The following HPSE2 variants were observed in gnomAD, a reference collection of about 807,000 sequenced individuals.
The protein encoded by HPSE2 is inactive heparanase-2.
A neutral mutation model predicts 60.5 loss-of-function variants in HPSE2; 38 were observed. The observed-to-expected ratio is 0.63, with a 90% confidence interval of 0.48 to 0.82. HPSE2 has a LOEUF of 0.82. Ranked by LOEUF, HPSE2 falls within the 40% of genes least tolerant of loss-of-function variation. The probability of loss-of-function intolerance (pLI) is 0.00; values close to 1 mark genes in which losing one functional copy is unlikely to be tolerated. For synonymous variants in HPSE2, 295 were observed against 293.2 expected (o/e 1.01, Z -0.06); for missense variants, 713 against 740.4 (o/e 0.96, Z 0.43).
chr10:99,054,961 C>G (rs1332185772), intron 3 of HPSE2, among the ~76,000 whole-genome samples: 1 of 152,110 alleles, frequency 6.6e-6, no homozygotes, highest in Non-Finnish European at 1.5e-5. Context: ...ATCTGCCCGC[C>G]TCAGCCTCTC....
At chr10:99,117,718 TAATA>T (rs1227895463) in intron 3 of HPSE2, among the ~76,000 whole-genome samples, 6 of 151,976 alleles carry the variant, frequency 3.9e-5, no homozygotes, top group Non-Finnish European at 5.9e-5. Context: ...ATTGAAACAG[TAATA>T]AATAGCCTAA....
intron 3 of HPSE2, among the ~76,000 whole-genome samples, chr10:98,781,306 T>TTTTTTTTTTG (rs66481971): frequency 2.5e-5 from 3 of 120,102 alleles, no homozygotes; most frequent in Admixed American, 9.0e-5. Context: ...TTTTTTTTTT[T>TTTTTTTTTTG]ATTTTTAAAT....
chr10:99,298,931 C>T, the HPSE2 span, among the ~76,000 whole-genome samples: 15 of 152,124 alleles, frequency 9.9e-5, no homozygotes, highest in Non-Finnish European at 1.8e-4. Flanking sequence ...CCTCGGCCTC[C>T]CAAAGTGCTG....
intron 3 of HPSE2, among the ~76,000 whole-genome samples, chr10:99,017,123 C>T (rs1231595646): frequency 6.6e-6 from 1 of 152,098 alleles, no homozygotes; most frequent in Non-Finnish European, 1.5e-5. Context: ...AAGTGGAATG[C>T]TTCTAGATTT....
chr10:98,646,687 A>G (rs1384678186), intron 6 of HPSE2, among the ~76,000 whole-genome samples: 1 of 152,234 alleles, frequency 6.6e-6, no homozygotes, highest in Non-Finnish European at 1.5e-5. Flanking sequence ...CCACTTATCA[A>G]TGTATTCACC....
chr10:98,714,429 G>T (rs923555347), intron 5 of HPSE2, among the ~76,000 whole-genome samples: 2 of 151,752 alleles, frequency 1.3e-5, no homozygotes, highest in African/African-American at 4.8e-5. Flanking sequence ...ATTGATTTGT[G>T]ACATTTAATA....
intron 3 of HPSE2, among the ~76,000 whole-genome samples, chr10:98,882,891 G>A (rs938001064): frequency 2.0e-5 from 3 of 152,090 alleles, no homozygotes; most frequent in Admixed American, 2.0e-4. Flanking sequence ...AGATACAGAG[G>A]AGATAATAAC....
intron 5 of HPSE2, among the ~76,000 whole-genome samples, chr10:98,712,150 G>A (rs72840588): frequency 0.015 from 2,296 of 152,060 alleles, 32 homozygotes; most frequent in African/African-American, 0.03. Context: ...GTGTCAAATC[G>A]AAGTCTATGT....
At chr10:98,756,212 T>C (rs937564587) in intron 3 of HPSE2, among the ~76,000 whole-genome samples, 1 of 151,730 alleles carries the variant, frequency 6.6e-6, no homozygotes, top group Non-Finnish European at 1.5e-5. Context: ...AACACCCACA[T>C]GAAAAAGGTA....
At position 98,699,161 on chromosome 10, in the gene HPSE2, T is replaced by C. The variant is rs1048864324; in HGVS notation, c.957-5214A>G. Among the ~76,000 whole-genome samples the C allele has an allele frequency of 1.8e-3, 272 of 152,134 alleles. 3 individuals are homozygous for C. The highest frequency in any genetic ancestry group is 6.0e-3 in the African/African-American group (248 of 41,524). Reference sequence around the variant, plus strand: ...TTTTATGAGGCCAGCATCATCCTGATACCAAAGCCTGGCAGAGACACAACA... The same window carrying C: ...TTTTATGAGGCCAGCATCATCCTGACACCAAAGCCTGGCAGAGACACAACA... On this transcript the variant is annotated intron_variant, in intron 5 of 11. Coordinates refer to ENST00000370552, the MANE Select transcript of HPSE2 (RefSeq NM_021828.5).
upstream of HPSE2, among the ~76,000 whole-genome samples, chr10:99,236,178 G>A (rs562986815): frequency 6.5e-4 from 99 of 151,798 alleles, no homozygotes; most frequent in Middle Eastern, 3.4e-3. Context: ...TAAGGGGAGG[G>A]GAGCAGGCGG....
At chr10:99,276,166 C>T in the HPSE2 span, among the ~76,000 whole-genome samples, 1 of 152,128 alleles carries the variant, frequency 6.6e-6, no homozygotes, top group East Asian at 1.9e-4. Context: ...TGAATTATTA[C>T]ATATAAATAC....
At chr10:98,569,746 G>C (rs1477873652) in intron 9 of HPSE2, among the ~76,000 whole-genome samples, 1 of 152,028 alleles carries the variant, frequency 6.6e-6, no homozygotes. Context: ...AGATGAGCAG[G>C]GCTAAAGGAA....
At chr10:98,463,093 T>C (rs1222833814) in intron 11 of HPSE2, among the ~76,000 whole-genome samples, 2 of 152,146 alleles carry the variant, frequency 1.3e-5, no homozygotes, top group East Asian at 3.9e-4. Flanking sequence ...TTCGACCTTA[T>C]AGTGTTTTTC....
chr10:98,724,700 G>C (rs532191880), intron 4 of HPSE2, among the ~76,000 whole-genome samples: 17 of 152,254 alleles, frequency 1.1e-4, no homozygotes, highest in African/African-American at 3.9e-4. Context: ...TTTTTGAATT[G>C]ATCCCTTTAC....
intron 3 of HPSE2, among the ~76,000 whole-genome samples, chr10:98,803,675 A>G (rs1445116208): frequency 1.3e-5 from 2 of 150,524 alleles, no homozygotes; most frequent in Admixed American, 1.3e-4. Context: ...TGTTCCATTG[A>G]TCTATATCTC....
intron 3 of HPSE2, among the ~76,000 whole-genome samples, chr10:98,805,769 G>T (rs1458695393): frequency 6.6e-6 from 1 of 152,096 alleles, no homozygotes; most frequent in African/African-American, 2.4e-5. Flanking sequence ...GATCATTTAT[G>T]AATTGTAATT....
At position 98,939,237 on chromosome 10, in the gene HPSE2, T is replaced by C. The variant is rs1325587154; in HGVS notation, c.611-195181A>G. On this transcript the variant is annotated intron_variant, in intron 3 of 11. Coordinates refer to ENST00000370552, the MANE Select transcript of HPSE2 (RefSeq NM_021828.5). ...CAGGATAAATTCACACATAACAATA[T>C]TAACTTTAATTGTAAATGGATTAAA... Among the ~76,000 whole-genome samples, 2 of 143,636 alleles carry C rather than the reference T, an allele frequency of 1.4e-5. 1 individual carries two copies. The highest frequency in any genetic ancestry group is 3.0e-5 in the Non-Finnish European group (2 of 67,180). 94.2% of individuals were successfully genotyped at this position (143,636 alleles called of 152,430 possible).
At chr10:98,641,984 G>T in intron 6 of HPSE2, 44 bp from the exon 7 acceptor site, 1 of 1,527,240 alleles carries the variant, frequency 6.5e-7, no homozygotes, top group Non-Finnish European at 9.1e-7. Flanking sequence ...TCTCAAGCAA[G>T]GGATTATAAA....
Sources: allele counts gnomAD v4.1 joint callset (sites outside exome capture counted in the v4.1 genomes callset), GRCh38; gene constraint gnomAD v4.1.1; transcripts MANE v1.5; gene names NCBI Gene and HGNC (gene_info 2026-07-23, HGNC 2026-07-21).